The following GPC5 variants were observed in gnomAD, a reference collection of about 807,000 sequenced individuals.
GPC5 encodes glypican-5.
A neutral mutation model predicts 53.9 loss-of-function variants in GPC5; 47 were observed. The observed-to-expected ratio is 0.87, with a 90% confidence interval of 0.69 to 1.11. The LOEUF (loss-of-function observed/expected upper bound fraction) is 1.11. Ranked by LOEUF, GPC5 falls within the 50% of genes most tolerant of loss-of-function variation. The pLI, the probability that GPC5 is intolerant of heterozygous loss-of-function variation, is 0.00. For missense variants in GPC5, 748 were observed against 713.1 expected (o/e 1.05, Z -0.56); for synonymous variants, 286 against 263.3 (o/e 1.09, Z -0.84).
chr13:92,203,495 G>GCA (rs2139063720), intron 7 of GPC5, among the ~76,000 whole-genome samples: 1 of 107,914 alleles, frequency 9.3e-6, no homozygotes, highest in Admixed American at 1.0e-4. Flanking sequence ...GGTGGGGTCG[G>GCA]GGGAGGGGGG....
chr13:92,414,444 G>T (rs1355813786), intron 7 of GPC5, among the ~76,000 whole-genome samples: 1 of 151,538 alleles, frequency 6.6e-6, no homozygotes, highest in Non-Finnish European at 1.5e-5. Context: ...GGTGGAGGTT[G>T]CAGTGAGCCA....
At chr13:92,699,523 G>A (rs1297635895) in intron 7 of GPC5, among the ~76,000 whole-genome samples, 2 of 152,038 alleles carry the variant, frequency 1.3e-5, no homozygotes, top group Non-Finnish European at 2.9e-5. Flanking sequence ...TGATGTTAGG[G>A]TGGCGATTTT....
At chr13:92,333,024 A>T (rs1340059487) in intron 7 of GPC5, among the ~76,000 whole-genome samples, 1 of 152,180 alleles carries the variant, frequency 6.6e-6, no homozygotes, top group African/African-American at 2.4e-5. Context: ...AAGTGAATAT[A>T]TTGGGTCACA....
chr13:91,912,482 G>T (rs1248940690), intron 6 of GPC5, among the ~76,000 whole-genome samples: 2 of 152,122 alleles, frequency 1.3e-5, no homozygotes, highest in Non-Finnish European at 2.9e-5. Context: ...AAAGACAAGA[G>T]AAGGCATCTA....
At chr13:91,616,284 T>C (rs923615256) in intron 2 of GPC5, among the ~76,000 whole-genome samples, 9 of 151,846 alleles carry the variant, frequency 5.9e-5, no homozygotes, top group Non-Finnish European at 1.2e-4. Context: ...TCTTATGAAC[T>C]ATTTAAAGAT....
At chr13:92,423,239 A>G (rs1226484318) in intron 7 of GPC5, among the ~76,000 whole-genome samples, 1 of 152,242 alleles carries the variant, frequency 6.6e-6, no homozygotes, top group African/African-American at 2.4e-5. Flanking sequence ...AGGTTTCAAC[A>G]CATGAATTTG....
intron 7 of GPC5, among the ~76,000 whole-genome samples, chr13:92,390,007 A>G (rs2139322252): frequency 6.6e-6 from 1 of 152,276 alleles, no homozygotes; most frequent in Non-Finnish European, 1.5e-5. Flanking sequence ...TAAAGTAGGA[A>G]CCAAATTATA....
chr13:92,276,969 A>G (rs999210677), intron 7 of GPC5, among the ~76,000 whole-genome samples: 2 of 152,034 alleles, frequency 1.3e-5, no homozygotes, highest in African/African-American at 4.8e-5. Flanking sequence ...AAATATGAAA[A>G]GTAAACATTA....
chr13:92,744,329 A>C (rs1023772304), intron 7 of GPC5, among the ~76,000 whole-genome samples: 3 of 152,080 alleles, frequency 2.0e-5, no homozygotes, highest in African/African-American at 7.2e-5. Flanking sequence ...TCCTTTGGAT[A>C]TGTGGCATGA....
At chr13:92,414,095 A>G (rs995285707) in intron 7 of GPC5, among the ~76,000 whole-genome samples, 95 of 152,204 alleles carry the variant, frequency 6.2e-4, no homozygotes, top group Admixed American at 6.2e-3. Flanking sequence ...TTATTAGGTC[A>G]GATGCTTTGC....
intron 7 of GPC5, among the ~76,000 whole-genome samples, chr13:92,793,484 C>A (rs944429747): frequency 3.3e-5 from 5 of 151,830 alleles, no homozygotes; most frequent in African/African-American, 1.2e-4. Context: ...ACTAGAGAAG[C>A]AAGAGCAAAC....
chr13:92,308,771 G>A (rs184683790), intron 7 of GPC5, among the ~76,000 whole-genome samples: 52 of 152,154 alleles, frequency 3.4e-4, no homozygotes, highest in African/African-American at 1.3e-3. Context: ...TTGACTTTGG[G>A]TAGGGTTCTT....
At chr13:92,057,910 G>T (rs78724416) in intron 6 of GPC5, among the ~76,000 whole-genome samples, 1 of 151,980 alleles carries the variant, frequency 6.6e-6, no homozygotes, top group South Asian at 2.1e-4. Context: ...AAAAAAAAAA[G>T]CATTGTATAG....
intron 6 of GPC5, among the ~76,000 whole-genome samples, chr13:92,044,369 C>G (rs939574682): frequency 6.6e-6 from 1 of 152,134 alleles, no homozygotes; most frequent in Non-Finnish European, 1.5e-5. Context: ...CTGTACTGAG[C>G]AGAACTGGAC....
At chr13:92,675,210 C>T (rs1933185) in intron 7 of GPC5, among the ~76,000 whole-genome samples, 33,579 of 151,764 alleles carry the variant, frequency 0.22, 4,374 homozygotes, top group South Asian at 0.36. Flanking sequence ...CATAAGAAAC[C>T]TGTATAGGCA....
chr13:92,646,469 T>C (rs537631188), intron 7 of GPC5, among the ~76,000 whole-genome samples: 2 of 152,274 alleles, frequency 1.3e-5, no homozygotes, highest in South Asian at 4.1e-4. Flanking sequence ...CCACGTTTGT[T>C]CTTTAAAATA....
At chr13:91,442,185 T>A (rs1880489164) in intron 1 of GPC5, among the ~76,000 whole-genome samples, 1 of 152,236 alleles carries the variant, frequency 6.6e-6, no homozygotes, top group Non-Finnish European at 1.5e-5. Context: ...CCACCCAGGT[T>A]GAAAACTTGA....
At chr13:92,109,523 A>T (rs2041539657) in intron 6 of GPC5, among the ~76,000 whole-genome samples, 1 of 152,148 alleles carries the variant, frequency 6.6e-6, no homozygotes, top group Non-Finnish European at 1.5e-5. Context: ...GACTATCTAA[A>T]ATTCTTTTTG....
chr13:92,426,666 G>A (rs1372865173), intron 7 of GPC5, among the ~76,000 whole-genome samples: 1 of 151,946 alleles, frequency 6.6e-6, no homozygotes, highest in African/African-American at 2.4e-5. Context: ...ATTTGCTTAT[G>A]TGTTTAGCTT....
Sources: gnomAD v4.1 joint callset for allele counts (sites outside exome capture counted in the v4.1 genomes callset) on GRCh38, gnomAD v4.1.1 for gene constraint, MANE v1.5 for transcripts, NCBI Gene and HGNC (gene_info 2026-07-23, HGNC 2026-07-21) for gene names.